The following CSMD1 variants were observed in gnomAD, a reference collection of about 807,000 sequenced individuals.
CSMD1 encodes the protein CUB and Sushi multiple domains 1.
A neutral mutation model predicts 417.5 loss-of-function variants in CSMD1; 213 were observed. The ratio of observed to expected loss-of-function variants is 0.51; its 90% CI spans 0.46 to 0.57. The LOEUF is 0.57. Among genes scored for constraint, CSMD1 ranks in the 20% least tolerant of loss-of-function variants. The pLI, the probability that CSMD1 is intolerant of heterozygous loss-of-function variation, is 0.00. For missense variants in CSMD1, 6,923 were observed against 4,529.7 expected (o/e 1.53, Z -15.17); for synonymous variants, 2,862 against 1,736.8 (o/e 1.65, Z -16.11).
At chr8:4,627,158 C>T (rs1802165311) in intron 2 of CSMD1, among the ~76,000 whole-genome samples, 2 of 152,126 alleles carry the variant, frequency 1.3e-5, no homozygotes, top group Admixed American at 6.5e-5. Context: ...GCGATGAAAA[C>T]TCACTTGTTT....
intron 7 of CSMD1, among the ~76,000 whole-genome samples, chr8:3,658,463 T>A (rs1798239175): frequency 1.6e-5 from 1 of 62,680 alleles, no homozygotes; most frequent in Admixed American, 1.8e-4. Context: ...ATATATATAT[T>A]GTGTATATAT....
At chr8:4,953,227 C>G (rs988819429) in intron 1 of CSMD1, among the ~76,000 whole-genome samples, 3 of 152,098 alleles carry the variant, frequency 2.0e-5, no homozygotes, top group Non-Finnish European at 4.4e-5. Context: ...ATGAGTTTTG[C>G]TGAAAATTTT....
chr8:3,860,378 TA>T (rs776941047), intron 5 of CSMD1, among the ~76,000 whole-genome samples: 1 of 152,272 alleles, frequency 6.6e-6, no homozygotes, highest in Non-Finnish European at 1.5e-5. Context: ...TATGATATAT[TA>T]AAAAAATCAT....
At chr8:3,482,859 A>T in intron 11 of CSMD1, among the ~76,000 whole-genome samples, 1 of 152,222 alleles carries the variant, frequency 6.6e-6, no homozygotes, top group Non-Finnish European at 1.5e-5. Flanking sequence ...TGGAAGTTAA[A>T]TAACACATTT....
intron 3 of CSMD1, among the ~76,000 whole-genome samples, chr8:4,236,336 T>C (rs1184058092): frequency 1.3e-5 from 2 of 152,106 alleles, no homozygotes; most frequent in African/African-American, 2.4e-5. Context: ...GTTTAGTGCA[T>C]GAGTCACACA....
intron 3 of CSMD1, among the ~76,000 whole-genome samples, chr8:4,412,099 G>C (rs557506437): frequency 6.6e-6 from 1 of 151,982 alleles, no homozygotes; most frequent in African/African-American, 2.4e-5. Context: ...GAGTGCGTGC[G>C]TGTGTGTGCA....
intron 3 of CSMD1, among the ~76,000 whole-genome samples, chr8:4,038,881 T>C (rs1797748375): frequency 6.6e-6 from 1 of 152,156 alleles, no homozygotes. Context: ...TAGGCTGCCA[T>C]TCTAAATATG....
At chr8:3,346,919 T>C (rs1390102057) in intron 22 of CSMD1, among the ~76,000 whole-genome samples, 7 of 152,226 alleles carry the variant, frequency 4.6e-5, no homozygotes, top group African/African-American at 1.7e-4. Context: ...AAACCAGGCT[T>C]CTGTCCAACT....
intron 1 of CSMD1, among the ~76,000 whole-genome samples, chr8:4,784,242 A>T (rs2117202558): frequency 6.6e-6 from 1 of 152,338 alleles, no homozygotes; most frequent in South Asian, 2.1e-4. Flanking sequence ...GTAATTGGAA[A>T]AGTCAAGCCC....
At chr8:2,997,217 T>C (rs1040608102) in intron 54 of CSMD1, among the ~76,000 whole-genome samples, 12 of 152,232 alleles carry the variant, frequency 7.9e-5, no homozygotes, top group African/African-American at 2.9e-4. Flanking sequence ...TACTTAGCCT[T>C]TGAGCTTACG....
chr8:4,568,217 T>G (rs1348989900), intron 2 of CSMD1, among the ~76,000 whole-genome samples: 4 of 152,176 alleles, frequency 2.6e-5, no homozygotes, highest in African/African-American at 9.7e-5. Context: ...TATACATGTT[T>G]ACTGCACCCA....
chr8:4,465,243 G>A (rs375502870), intron 2 of CSMD1, among the ~76,000 whole-genome samples: 1 of 152,252 alleles, frequency 6.6e-6, no homozygotes, highest in East Asian at 1.9e-4. Flanking sequence ...GTTTGAGTAT[G>A]TGTCTCTTTC....
intron 19 of CSMD1, among the ~76,000 whole-genome samples, chr8:3,368,770 A>G (rs1809766022): frequency 6.6e-6 from 1 of 152,234 alleles, no homozygotes; most frequent in African/African-American, 2.4e-5. Context: ...ATGCTTACCT[A>G]TAAAATGAGG....
In CSMD1 at chr8:3,080,214, T is replaced by C. The variant is rs1585297471; in HGVS notation, c.7474+6883A>G. Among the ~76,000 whole-genome samples the C allele has an allele frequency of 2.0e-5, 3 of 152,196 alleles. No homozygotes were observed. In the East Asian group the frequency reaches 5.8e-4, roughly 29 times the overall value. On this transcript the variant is annotated intron_variant, in intron 49 of 69. Coordinates refer to ENST00000635120, the MANE Select transcript of CSMD1 (RefSeq NM_033225.6). ...GGAACTTGAAAGCAGTGCACTCTGA[T>C]GTGCCAGTTTAACTGGATCTTTGAG...
At chr8:3,574,460 G>A (rs1800064826) in intron 10 of CSMD1, among the ~76,000 whole-genome samples, 1 of 152,090 alleles carries the variant, frequency 6.6e-6, no homozygotes, top group Admixed American at 6.5e-5. Context: ...TGGCCAGACT[G>A]GTTTTAGAAC....
intron 2 of CSMD1, among the ~76,000 whole-genome samples, chr8:4,508,994 T>A (rs2130330119): frequency 6.6e-6 from 1 of 152,156 alleles, no homozygotes; most frequent in South Asian, 2.1e-4. Flanking sequence ...GGATGTGAAG[T>A]CTGTGTTACC....
intron 3 of CSMD1, among the ~76,000 whole-genome samples, chr8:4,049,370 C>G (rs757726640): frequency 2.6e-5 from 4 of 151,816 alleles, no homozygotes; most frequent in African/African-American, 9.7e-5. Flanking sequence ...TTCTAACAAT[C>G]AAAAATCTCT....
At chr8:4,721,763 C>T (rs937415019) in intron 1 of CSMD1, among the ~76,000 whole-genome samples, 14 of 152,078 alleles carry the variant, frequency 9.2e-5, no homozygotes, top group African/African-American at 3.1e-4. Flanking sequence ...CTCCCATGTT[C>T]ACTGAGGTAT....
intron 23 of CSMD1, among the ~76,000 whole-genome samples, chr8:3,310,608 C>T (rs143186567): frequency 2.8e-4 from 43 of 152,246 alleles, no homozygotes; most frequent in African/African-American, 1.0e-3. Context: ...CACACAAAAT[C>T]GGGGTGTAAA....
Sources: allele counts gnomAD v4.1 joint callset (sites outside exome capture counted in the v4.1 genomes callset), GRCh38; gene constraint gnomAD v4.1.1; transcripts MANE v1.5; gene names NCBI Gene and HGNC (gene_info 2026-07-23, HGNC 2026-07-21).